The following MICAL2 variants were observed in gnomAD, a reference collection of about 807,000 sequenced individuals.
MICAL2 encodes the protein [F-actin]-monooxygenase MICAL2.
Under a neutral mutation model 127.3 loss-of-function variants are expected in MICAL2, and 77 were observed. The observed-to-expected ratio is 0.60, with a 90% confidence interval of 0.50 to 0.73. MICAL2 has a LOEUF of 0.73. Ranked by LOEUF, MICAL2 falls within the 30% of genes least tolerant of loss-of-function variation. MICAL2 has a pLI of 0.00. For missense variants in MICAL2, 1,351 were observed against 1,434.4 expected (o/e 0.94, Z 0.94); for synonymous variants, 570 against 551.1 (o/e 1.03, Z -0.48).
intron 1 of MICAL2, among the ~76,000 whole-genome samples, chr11:12,280,296 G>A (rs987481522): frequency 4.6e-5 from 7 of 152,204 alleles, no homozygotes; most frequent in Non-Finnish European, 1.0e-4. Flanking sequence ...CATGCTCCGG[G>A]GCAGGTGCAG....
intron 2 of MICAL2, among the ~76,000 whole-genome samples, chr11:12,282,270 G>A (rs1243455387): frequency 6.6e-6 from 1 of 152,134 alleles, no homozygotes; most frequent in Non-Finnish European, 1.5e-5. Context: ...GGGCTGTGCA[G>A]AAAGGCTCAG....
intron 3 of MICAL2, among the ~76,000 whole-genome samples, chr11:12,188,334 T>A (rs1858594471): frequency 6.6e-6 from 1 of 152,250 alleles, no homozygotes; most frequent in Admixed American, 6.5e-5. Flanking sequence ...AAATTGCACG[T>A]GTGGCTCACC....
chr11:12,165,926 T>A (rs934307250), intron 3 of MICAL2, among the ~76,000 whole-genome samples: 1 of 152,240 alleles, frequency 6.6e-6, no homozygotes, highest in African/African-American at 2.4e-5. Context: ...GCACTGAATA[T>A]TAATAATTCT....
downstream of MICAL2, among the ~76,000 whole-genome samples, chr11:12,296,211 T>G (rs1309242359): frequency 2.0e-5 from 3 of 152,076 alleles, no homozygotes; most frequent in Non-Finnish European, 4.4e-5. Flanking sequence ...TTGAACAAAC[T>G]GTGATCCTAC....
intron 9 of MICAL2, among the ~76,000 whole-genome samples, chr11:12,221,140 G>A (rs1385431690): frequency 1.3e-5 from 2 of 152,126 alleles, no homozygotes; most frequent in African/African-American, 2.4e-5. Flanking sequence ...TGAGCCCTCA[G>A]TTCCCATCCT....
chr11:12,326,491 AAGG>A (rs1864354174), intron 31 of MICAL2, among the ~76,000 whole-genome samples: 1 of 152,208 alleles, frequency 6.6e-6, no homozygotes, highest in African/African-American at 2.4e-5. Context: ...TAATGAACCT[AAGG>A]AGAGTATGAT....
At chr11:12,248,583 C>G (rs757326610) in intron 21 of MICAL2, among the ~76,000 whole-genome samples, 14 of 152,218 alleles carry the variant, frequency 9.2e-5, no homozygotes, top group Non-Finnish European at 1.6e-4. Context: ...AATTGCCCCT[C>G]AGTCCTCCAG....
rs779356456 is a variant in MICAL2 at position 12,242,712 on chromosome 11, G to A, written c.2598G>A (p.Lys866=). The change falls in exon 20 of 28, where the codon AAG becomes AAA. Residue 866 remains lysine, a synonymous_variant. Transcript: ENST00000683283. ...TGGCCAACAGGGAATTTCACACAAAGAACATTAAGGAGAAGGCGGCTCACC... is the reference window on the plus strand; with the variant it reads ...TGGCCAACAGGGAATTTCACACAAAAAACATTAAGGAGAAGGCGGCTCACC... ...QNLANREFHT[K]NIKEKAAHLA... 25 of 1,612,608 alleles carry A rather than the reference G, an allele frequency of 1.6e-5. No individual in the cohort carries two copies. The highest frequency in any genetic ancestry group is 2.0e-5 in the Non-Finnish European group (24 of 1,179,592).
rs150351037 is a variant in MICAL2 at position 12,224,806 on chromosome 11, C to T, written c.1674C>T (p.Phe558=). The change falls in exon 13 of 28, where the codon TTC becomes TTT. Residue 558 remains phenylalanine (F), a synonymous_variant. Coordinates refer to ENST00000683283, the MANE Select transcript of MICAL2 (RefSeq NM_001282663.2). ...GLALCAIIHR[F]RPELINFDSL... ...CCCTGTGTGCCATCATCCACCGCTTCCGGCCTGAGCTCATGTGAGTCTGGG... is the reference window on the plus strand; with the variant it reads ...CCCTGTGTGCCATCATCCACCGCTTTCGGCCTGAGCTCATGTGAGTCTGGG... 7.8e-5 allele frequency: 126 copies of T among 1,612,688 alleles called. No individual in the cohort carries two copies. The Middle Eastern group carries it at 1.3e-3, about 17-fold the overall frequency.
chr11:12,276,160 ACAG>A (rs1863720559), exon 1 of MICAL2: 1 of 399,084 alleles, frequency 2.5e-6, no homozygotes, highest in Admixed American at 4.4e-5. Context: ...ACCAGCGAAG[ACAG>A]CAGGTATGCT....
At chr11:12,225,521 T>C (rs903728787) in intron 13 of MICAL2, 2 of 152,352 alleles carry the variant, frequency 1.3e-5, no homozygotes, top group Admixed American at 1.3e-4. Context: ...AGTCTCTTGC[T>C]CTGTTGCCTG....
chr11:12,239,287 G>T, intron 16 of MICAL2, 149 bp from the exon 17 acceptor site: 2 of 987,194 alleles, frequency 2.0e-6, no homozygotes, highest in South Asian at 2.7e-5. Flanking sequence ...CCTCTGCGGG[G>T]GTGGCCCTGC....
At chr11:12,148,145 C>T (rs1030371830) in intron 2 of MICAL2, among the ~76,000 whole-genome samples, 3 of 152,172 alleles carry the variant, frequency 2.0e-5, no homozygotes, top group Non-Finnish European at 4.4e-5. Flanking sequence ...CACTCACCTC[C>T]CCAGCAGCTC....
At chr11:12,223,637 C>T (rs1418275503) in intron 12 of MICAL2, 136 bp downstream of exon 12, 1 of 691,624 alleles carries the variant, frequency 1.4e-6, no homozygotes, top group Non-Finnish European at 2.5e-6. Context: ...CATGGGCAGG[C>T]ACCTGTCCTC....
intron 32 of MICAL2, among the ~76,000 whole-genome samples, chr11:12,334,389 G>C (rs73424809): frequency 0.013 from 1,918 of 152,068 alleles, 35 homozygotes; most frequent in African/African-American, 0.043. Context: ...AAGAGTCTGT[G>C]TATGTTCAGT....
intron 5 of MICAL2, among the ~76,000 whole-genome samples, chr11:12,209,198 A>G (rs1257448868): frequency 1.3e-5 from 2 of 152,208 alleles, no homozygotes; most frequent in African/African-American, 4.8e-5. Flanking sequence ...TGAGAATGAT[A>G]AGATGCAAAT....
At chr11:12,321,830 C>G (rs1233443452) in intron 30 of MICAL2, among the ~76,000 whole-genome samples, 1 of 152,084 alleles carries the variant, frequency 6.6e-6, no homozygotes, top group African/African-American at 2.4e-5. Flanking sequence ...GGCAATTCCC[C>G]CCACCTTTCG....
chr11:12,167,160 G>C (rs1855606089), intron 3 of MICAL2, among the ~76,000 whole-genome samples: 1 of 152,084 alleles, frequency 6.6e-6, no homozygotes, highest in Non-Finnish European at 1.5e-5. Flanking sequence ...AGTAATCACA[G>C]GTACCATTAC....
chr11:12,282,118 G>C lies in MICAL2; in HGVS notation c.254+1019G>C, dbSNP rs146420658. On this transcript the variant is annotated intron_variant, in intron 2 of 2. Transcript: ENST00000529028. ...AGGAAGACGAGGGCTGGGGCGGAAA[G>C]AACTCATATAGATATTTTTAAATCC... 9.8e-4 allele frequency among the ~76,000 whole-genome samples: 150 copies of C among 152,288 alleles called. 1 individual carries two copies. Among genetic ancestry groups the C allele is most frequent in the African/African-American group, 3.5e-3 (146 of 41,546 alleles).
Sources: allele counts gnomAD v4.1 joint callset (sites outside exome capture counted in the v4.1 genomes callset), GRCh38; gene constraint gnomAD v4.1.1; transcripts MANE v1.5; gene names NCBI Gene and HGNC (gene_info 2026-07-23, HGNC 2026-07-21).